ZBED6: variants seen among roughly 807,000 people sequenced by gnomAD.
ZBED6 encodes zinc finger BED-type containing 6.
A neutral mutation model predicts 58.4 loss-of-function variants in ZBED6; 40 were observed. The observed-to-expected ratio is 0.68, with a 90% CI of 0.53 to 0.89. The LOEUF (loss-of-function observed/expected upper bound fraction) is 0.89, where lower values mean the gene tolerates loss of function less well. Ranked by LOEUF, ZBED6 falls within the 40% of genes least tolerant of loss-of-function variation. The pLI is 0.00. For synonymous variants in ZBED6, 439 were observed against 350.6 expected (o/e 1.25, Z -2.82); for missense variants, 1,057 against 1,003.9 (o/e 1.05, Z -0.71).
intron 11 of ZBED6, among the ~76,000 whole-genome samples, chr1:203,846,045 G>A (rs79157478): frequency 0.017 from 2,579 of 149,850 alleles, 72 homozygotes; most frequent in African/African-American, 0.055. Context: ...GATTGGCTGA[G>A]GCAGAAGGAT....
chr1:203,851,175 T>C (rs772362941), intron 16 of ZBED6, 51 bp downstream of exon 16: 10 of 1,540,276 alleles, frequency 6.5e-6, no homozygotes, highest in Admixed American at 3.5e-5. Context: ...TGTTACTGTT[T>C]AGGCTCTCTA....
At chr1:203,811,175 G>T (rs1341148756) in intron 1 of ZBED6, among the ~76,000 whole-genome samples, 1 of 151,448 alleles carries the variant, frequency 6.6e-6, no homozygotes, top group Non-Finnish European at 1.5e-5. Context: ...AAGTGTGGTG[G>T]TGGGCACCTG....
chr1:203,835,496 C>G (rs1684021915), intron 9 of ZBED6: 2 of 157,262 alleles, frequency 1.3e-5, no homozygotes, highest in East Asian at 3.4e-4. Context: ...AATAACAGTT[C>G]TAGATTTTAA....
chr1:203,799,196 T>C, exon 1 of ZBED6: 2 of 1,154,086 alleles, frequency 1.7e-6, no homozygotes, highest in Non-Finnish European at 2.5e-6. Context: ...TCCTTATCCC[T>C]AGCTTCATTG....
At chr1:203,829,749 T>G (rs747378578) in intron 5 of ZBED6, 31 bp from the exon 6 acceptor site, 6 of 1,612,738 alleles carry the variant, frequency 3.7e-6, no homozygotes, top group Non-Finnish European at 5.1e-6. Context: ...GTATTTTTAA[T>G]TGTGAATTTG....
chr1:203,849,738 A>G lies in ZBED6; in HGVS notation c.*4350A>G, dbSNP rs753874700. ...TTCAGGTGAGACCACAGGAGTTGACATCACTAAAATTCAAGTCAAGAGATG... is the reference window on the plus strand; with the variant it reads ...TTCAGGTGAGACCACAGGAGTTGACGTCACTAAAATTCAAGTCAAGAGATG... On this transcript the variant is annotated 3_prime_UTR_variant, in exon 14 of 17. Transcript: ENST00000550078. The G allele has an allele frequency of 3.1e-6, 5 of 1,613,976 alleles. No homozygotes were observed. The East Asian group carries it at 8.9e-5, about 29-fold the overall frequency.
At chr1:203,845,732 G>C (rs1230862184) in intron 11 of ZBED6, among the ~76,000 whole-genome samples, 1 of 152,024 alleles carries the variant, frequency 6.6e-6, no homozygotes, top group Non-Finnish European at 1.5e-5. Flanking sequence ...AGGCGTGGTC[G>C]TGGGCACCTG....
In ZBED6 at chr1:203,829,286, A is replaced by G. The variant is rs937103613; in HGVS notation, c.*2998-165A>G. The stretch of plus-strand genomic sequence containing the variant: ...GAGTTAGTGGAGAGTTAATTAGGTA[A>G]AAGCACATCTTTTCCCTCCCTGGGA... On this transcript the variant is annotated intron_variant, in intron 4 of 16. Coordinates refer to ENST00000550078, the Ensembl canonical transcript of ZBED6. The G allele has an allele frequency of 3.8e-5, 26 of 683,326 alleles. No individual in the cohort carries two copies. The South Asian group carries it at 5.0e-4, about 13-fold the overall frequency. 42.3% of individuals were successfully genotyped at this position (683,326 alleles called of 1,614,324 possible). A position where few individuals can be genotyped will look rare whatever the true frequency, so the allele number is the denominator to read the frequency against.
In ZBED6 at chr1:203,830,588, G is replaced by A. The variant is rs528074494; in HGVS notation, c.*3399+385G>A. 2.7e-3 allele frequency among the ~76,000 whole-genome samples: 412 copies of A among 152,254 alleles called. 1 individual carries two copies. The highest frequency in any genetic ancestry group is 4.9e-3 in the Non-Finnish European group (331 of 68,018). On this transcript the variant is annotated intron_variant, in intron 7 of 16. Transcript: ENST00000550078. ...AGCACTTTGGGAGGCCGAGGAGGGCGAATCATGAGGTTGGGAGATCCAGAC... is the reference window on the plus strand; with the variant it reads ...AGCACTTTGGGAGGCCGAGGAGGGCAAATCATGAGGTTGGGAGATCCAGAC...
chr1:203,844,879 T>C (rs997651667), intron 11 of ZBED6, among the ~76,000 whole-genome samples: 1 of 152,210 alleles, frequency 6.6e-6, no homozygotes, highest in East Asian at 1.9e-4. Flanking sequence ...GGGATTTTCA[T>C]GCTCTACTTC....
intron 1 of ZBED6, among the ~76,000 whole-genome samples, chr1:203,804,229 G>A (rs1671449909): frequency 6.8e-6 from 1 of 147,000 alleles, no homozygotes; most frequent in East Asian, 2.0e-4. Context: ...TCGATTCACT[G>A]CAAACTCCGC....
rs1006684444 is a variant in ZBED6 at position 203,803,816 on chromosome 1, A to G, written c.*2554+800A>G. On this transcript the variant is annotated intron_variant, in intron 1 of 16. Coordinates refer to ENST00000550078, the Ensembl canonical transcript of ZBED6. The stretch of plus-strand genomic sequence containing the variant: ...GAGATGGAGTTGCTCTGTGTTGCCC[A>G]GGCTGTTCTCAAACTCCTGGGTTCA... Among the ~76,000 whole-genome samples, 8 of 152,284 alleles carry G rather than the reference A, an allele frequency of 5.3e-5. No individual in the cohort carries two copies. The East Asian group carries it at 1.5e-3, about 29-fold the overall frequency.
At chr1:203,817,416 C>T (rs1676723409) in intron 2 of ZBED6, among the ~76,000 whole-genome samples, 1 of 149,648 alleles carries the variant, frequency 6.7e-6, no homozygotes, top group African/African-American at 2.4e-5. Context: ...GGAAATGGGG[C>T]CACTTTGACC....
chr1:203,847,740 G>T, intron 12 of ZBED6, 53 bp downstream of exon 12: 1 of 1,568,916 alleles, frequency 6.4e-7, no homozygotes, highest in Non-Finnish European at 8.6e-7. Flanking sequence ...TATTCCAGAG[G>T]AGTGTTCCGT....
chr1:203,839,772 T>C (rs1685498887), intron 10 of ZBED6, among the ~76,000 whole-genome samples: 2 of 152,184 alleles, frequency 1.3e-5, no homozygotes, highest in South Asian at 4.1e-4. Context: ...TTTTTGCTTT[T>C]CAGATATAAA....
Position 203,829,830 on chromosome 1 carries a change from A to G in ZBED6, c.*3252A>G, listed in dbSNP as rs183337855. The G allele has an allele frequency of 1.1e-5, 18 of 1,614,118 alleles. No individual in the cohort carries two copies. The East Asian group carries it at 3.1e-4, about 28-fold the overall frequency. ...AACCAAAACACCTACCCTGCAACCAACTCCTGAAGTTCACAATGGATTACG... is the reference window on the plus strand; with the variant it reads ...AACCAAAACACCTACCCTGCAACCAGCTCCTGAAGTTCACAATGGATTACG... On this transcript the variant is annotated 3_prime_UTR_variant, in exon 6 of 17. Coordinates refer to ENST00000550078, the Ensembl canonical transcript of ZBED6.
intron 11 of ZBED6, among the ~76,000 whole-genome samples, chr1:203,844,007 G>A (rs1317914673): frequency 6.6e-6 from 1 of 151,688 alleles, no homozygotes; most frequent in Non-Finnish European, 1.5e-5. Flanking sequence ...ACAGGCATGC[G>A]CTACCACGCC....
chr1:203,821,439 C>T (rs1678667772), intron 3 of ZBED6, among the ~76,000 whole-genome samples: 1 of 152,064 alleles, frequency 6.6e-6, no homozygotes. Context: ...CTTTTATGCT[C>T]CGATTGACCC....
chr1:203,802,839 T>C (rs1670965273), exon 1 of ZBED6: 1 of 152,522 alleles, frequency 6.6e-6, no homozygotes, highest in Admixed American at 6.6e-5. Flanking sequence ...GGAGATGTTT[T>C]AAAAACACAT....
Sources: gnomAD v4.1 joint callset for allele counts (sites outside exome capture counted in the v4.1 genomes callset) on GRCh38, gnomAD v4.1.1 for gene constraint, MANE v1.5 for transcripts, NCBI Gene and HGNC (gene_info 2026-07-23, HGNC 2026-07-21) for gene names.